EFNA5: variants seen among roughly 807,000 people sequenced by gnomAD.
The protein encoded by EFNA5 is ephrin-A5.
EFNA5 carries 5 observed loss-of-function variants against 22.9 expected under a neutral mutation model. The observed-to-expected ratio is 0.22, with a 90% confidence interval of 0.11 to 0.46. The LOEUF is 0.46. Among genes scored for constraint, EFNA5 ranks in the 20% least tolerant of loss-of-function variants. The pLI, the probability that EFNA5 is intolerant of heterozygous loss-of-function variation, is 0.99. For synonymous variants in EFNA5, 113 were observed against 112.2 expected (o/e 1.01, Z -0.04); for missense variants, 237 against 293.3 (o/e 0.81, Z 1.40).
rs535859846 is a variant in EFNA5, at chr5:107,443,775, C to T, written c.126-16266G>A. On this transcript the variant is annotated intron_variant, in intron 1 of 4. Transcript: ENST00000333274. ...ACCTAATGCATGCAGTGCTTAAAAC[C>T]TAGATATCAGGTTGATAGGTGCAGC... is the stretch of plus-strand genomic sequence containing the variant. 4.8e-4 allele frequency among the ~76,000 whole-genome samples: 73 copies of T among 152,172 alleles called. 1 individual carries two copies. Among genetic ancestry groups the T allele is most frequent in the South Asian group, 4.2e-3 (20 of 4,816 alleles).
chr5:107,542,995 T>A (rs1748077834), intron 1 of EFNA5, among the ~76,000 whole-genome samples: 2 of 151,958 alleles, frequency 1.3e-5, no homozygotes, highest in African/African-American at 4.8e-5. Context: ...AATAAATAAA[T>A]AAAAAGTGTT....
At chr5:107,591,943 T>A (rs10053164) in intron 1 of EFNA5, among the ~76,000 whole-genome samples, 239 of 18,636 alleles carry the variant, frequency 0.013, 25 homozygotes, top group African/African-American at 0.045. Context: ...AATATATATA[T>A]TATATATAAT....
intron 1 of EFNA5, among the ~76,000 whole-genome samples, chr5:107,611,264 G>A (rs1218680803): frequency 6.6e-6 from 1 of 152,090 alleles, no homozygotes; most frequent in Non-Finnish European, 1.5e-5. Flanking sequence ...TCGTATCACA[G>A]AAGAGACTGT....
chr5:107,482,378 C>T (rs1294223823), intron 1 of EFNA5, among the ~76,000 whole-genome samples: 1 of 151,624 alleles, frequency 6.6e-6, no homozygotes, highest in Non-Finnish European at 1.5e-5. Context: ...AGACTAAAAA[C>T]CTGATTTCTT....
intron 1 of EFNA5, among the ~76,000 whole-genome samples, chr5:107,509,484 A>G (rs993574578): frequency 8.2e-6 from 1 of 121,796 alleles, no homozygotes; most frequent in Non-Finnish European, 1.7e-5. Flanking sequence ...ATGCTTGGCT[A>G]ATTTTTTTTT....
At chr5:107,579,061 G>A (rs1748986979) in intron 1 of EFNA5, among the ~76,000 whole-genome samples, 2 of 152,054 alleles carry the variant, frequency 1.3e-5, no homozygotes, top group South Asian at 4.1e-4. Context: ...GATCAACTCT[G>A]CCACTTCCTG....
intron 1 of EFNA5, among the ~76,000 whole-genome samples, chr5:107,562,749 T>C (rs1431425898): frequency 6.6e-6 from 1 of 152,182 alleles, no homozygotes; most frequent in African/African-American, 2.4e-5. Flanking sequence ...TTAAATCTAG[T>C]GCAAAAAATA....
chr5:107,573,040 G>T (rs1748851782), intron 1 of EFNA5, among the ~76,000 whole-genome samples: 1 of 152,176 alleles, frequency 6.6e-6, no homozygotes, highest in South Asian at 2.1e-4. Context: ...CAACCAAAAA[G>T]AAACCTGTTT....
At chr5:107,440,839 T>A (rs1749237155) in intron 1 of EFNA5, among the ~76,000 whole-genome samples, 1 of 152,140 alleles carries the variant, frequency 6.6e-6, no homozygotes, top group South Asian at 2.1e-4. Flanking sequence ...AAGCACAGAA[T>A]CTGTATGCTA....
chr5:107,426,915 C>CTTTTT, intron 2 of EFNA5: 1 of 289,122 alleles, frequency 3.5e-6, no homozygotes, highest in Non-Finnish European at 6.4e-6. Context: ...TTTCAGGAGT[C>CTTTTT]TTTTTTTCTT....
chr5:107,472,320 C>A (rs540273999), intron 1 of EFNA5, among the ~76,000 whole-genome samples: 1 of 152,060 alleles, frequency 6.6e-6, no homozygotes. Flanking sequence ...TTATCGTAAG[C>A]GTCTATACTT....
At chr5:107,390,848 T>C (rs1747777037) in intron 2 of EFNA5, among the ~76,000 whole-genome samples, 1 of 152,218 alleles carries the variant, frequency 6.6e-6, no homozygotes, top group Non-Finnish European at 1.5e-5. Context: ...TCATCTATCA[T>C]TTCAAATGCT....
intron 1 of EFNA5, among the ~76,000 whole-genome samples, chr5:107,616,410 C>T (rs934027804): frequency 1.3e-5 from 2 of 152,162 alleles, no homozygotes; most frequent in African/African-American, 4.8e-5. Context: ...ATAATTCATA[C>T]AAATGATGAT....
intron 1 of EFNA5, among the ~76,000 whole-genome samples, chr5:107,485,974 T>G (rs1254914901): frequency 6.6e-6 from 1 of 152,216 alleles, no homozygotes; most frequent in Non-Finnish European, 1.5e-5. Flanking sequence ...TAGATGCCCT[T>G]AAACTTTCAG....
At chr5:107,403,143 C>T (rs934348654) in intron 2 of EFNA5, among the ~76,000 whole-genome samples, 5 of 152,130 alleles carry the variant, frequency 3.3e-5, no homozygotes, top group African/African-American at 1.2e-4. Flanking sequence ...GCCTGAACCA[C>T]GCCAGTCTCC....
chr5:107,604,391 A>C (rs1190773605), intron 1 of EFNA5, among the ~76,000 whole-genome samples: 1 of 152,132 alleles, frequency 6.6e-6, no homozygotes, highest in Non-Finnish European at 1.5e-5. Flanking sequence ...AGTCACAAGA[A>C]GAGCACATTG....
chr5:107,513,176 G>GCT (rs1413750880), intron 1 of EFNA5, among the ~76,000 whole-genome samples: 10 of 152,120 alleles, frequency 6.6e-5, no homozygotes, highest in African/African-American at 2.4e-4. Context: ...AGGCTGCTGT[G>GCT]CTTAAGTCCT....
chr5:107,569,781 G>T (rs1481905698), intron 1 of EFNA5, among the ~76,000 whole-genome samples: 1 of 147,554 alleles, frequency 6.8e-6, no homozygotes, highest in Non-Finnish European at 1.5e-5. Flanking sequence ...GAACCTGGGA[G>T]GGGGAGGCTG....
intron 1 of EFNA5, among the ~76,000 whole-genome samples, chr5:107,626,832 C>T (rs1033683056): frequency 1.3e-5 from 2 of 152,110 alleles, no homozygotes; most frequent in Non-Finnish European, 1.5e-5. Flanking sequence ...TTCTTATCAG[C>T]ATTTCTTTGA....
Sources: allele counts gnomAD v4.1 joint callset (sites outside exome capture counted in the v4.1 genomes callset), GRCh38; gene constraint gnomAD v4.1.1; transcripts MANE v1.5; gene names NCBI Gene and HGNC (gene_info 2026-07-23, HGNC 2026-07-21).